The following TNR variants were observed in gnomAD, a reference collection of about 807,000 sequenced individuals.
The protein encoded by TNR is tenascin-R.
TNR carries 45 observed loss-of-function variants against 150.4 expected under a neutral mutation model. The ratio of observed to expected loss-of-function variants is 0.30; its 90% confidence interval spans 0.24 to 0.38. The LOEUF (loss-of-function observed/expected upper bound fraction) is 0.38, where lower values mean the gene tolerates loss of function less well. Ranked by LOEUF, TNR falls within the 10% of genes least tolerant of loss-of-function variation. TNR has a pLI of 1.00. For missense variants in TNR, 1,544 were observed against 1,759.1 expected (o/e 0.88, Z 2.19); for synonymous variants, 687 against 678.4 (o/e 1.01, Z -0.20).
At chr1:175,487,495 C>T (rs1658064359) in intron 2 of TNR, among the ~76,000 whole-genome samples, 1 of 152,194 alleles carries the variant, frequency 6.6e-6, no homozygotes, top group African/African-American at 2.4e-5. Flanking sequence ...ACTGCTTTCT[C>T]CCTTTTCTTC....
chr1:175,737,363 G>A (rs1229716876), intron 1 of TNR, among the ~76,000 whole-genome samples: 1 of 152,172 alleles, frequency 6.6e-6, no homozygotes, highest in Non-Finnish European at 1.5e-5. Context: ...TTCATTAATA[G>A]TCATGACAGA....
rs1224317440 is a variant in TNR, at chr1:175,458,436, CAT to C, written c.-63-51661_-63-51660del. Among the ~76,000 whole-genome samples the C allele has an allele frequency of 3.9e-5, 6 of 152,310 alleles. No individual in the cohort carries two copies. The East Asian group carries it at 1.2e-3, about 29-fold the overall frequency. ...TTACAATCTGGTTGGGGAGGTCAAA[CAT>C]ATACACAAGCTAAAATAAATAATAA... On this transcript the variant is annotated intron_variant, in intron 2 of 22. Coordinates refer to ENST00000367674, the MANE Select transcript of TNR (RefSeq NM_003285.3).
chr1:175,479,376 G>A (rs895159727), intron 2 of TNR, among the ~76,000 whole-genome samples: 1 of 152,146 alleles, frequency 6.6e-6, no homozygotes, highest in Non-Finnish European at 1.5e-5. Context: ...CCAACAATGC[G>A]GTATTCCCAG....
At chr1:175,695,966 ATG>A (rs1666502644) in intron 1 of TNR, among the ~76,000 whole-genome samples, 2 of 150,628 alleles carry the variant, frequency 1.3e-5, no homozygotes, top group Admixed American at 6.6e-5. Flanking sequence ...GGATGCATGG[ATG>A]CATGGACAGA....
At chr1:175,673,154 C>T (rs1665753799) in intron 1 of TNR, among the ~76,000 whole-genome samples, 1 of 152,210 alleles carries the variant, frequency 6.6e-6, no homozygotes, top group African/African-American at 2.4e-5. Flanking sequence ...CTTGTCCCCT[C>T]AACCTGAATG....
intron 2 of TNR, among the ~76,000 whole-genome samples, chr1:175,515,990 G>C (rs1221556513): frequency 1.3e-5 from 2 of 152,196 alleles, no homozygotes; most frequent in Non-Finnish European, 2.9e-5. Context: ...AGCTCCAAAA[G>C]AATTTGTGGA....
intron 1 of TNR, among the ~76,000 whole-genome samples, chr1:175,580,885 T>C (rs1005152755): frequency 5.9e-5 from 9 of 152,062 alleles, no homozygotes; most frequent in Admixed American, 3.3e-4. Context: ...AGTGGGGAGA[T>C]CCTGTATATT....
intron 1 of TNR, chr1:175,656,530 C>T (rs1665184091): frequency 6.6e-6 from 1 of 152,440 alleles, no homozygotes; most frequent in African/African-American, 2.4e-5. Flanking sequence ...GCTGAGGTGC[C>T]CTGTGCAAGA....
intron 5 of TNR, among the ~76,000 whole-genome samples, chr1:175,396,137 T>C (rs1295264863): frequency 6.6e-6 from 1 of 152,246 alleles, no homozygotes; most frequent in Non-Finnish European, 1.5e-5. Flanking sequence ...GCTATACACT[T>C]ATGGTCGAGA....
chr1:175,595,622 C>T (rs1358612622), intron 1 of TNR, among the ~76,000 whole-genome samples: 1 of 152,162 alleles, frequency 6.6e-6, no homozygotes, highest in Non-Finnish European at 1.5e-5. Flanking sequence ...TGGTCTGTCC[C>T]ATCTTTTCTG....
chr1:175,316,894 A>T lies in TNR; in HGVS notation c.*6463T>A, dbSNP rs1249553208. On this transcript the variant is annotated 3_prime_UTR_variant, in exon 23 of 23. Transcript: ENST00000367674. ...ATTTCCTTTTCTTAAAAGTCAGAAG[A>T]AGTGGCATCAAAGCCCCCTTGTAAG... The T allele has an allele frequency of 6.6e-6, 1 of 152,274 alleles. No individual in the cohort carries two copies. The highest frequency in any genetic ancestry group is 6.5e-5 in the Admixed American group (1 of 15,292). The allele number at this position is 152,274 out of a possible 1,614,324, so 9.4% of individuals were successfully genotyped here.
intron 2 of TNR, among the ~76,000 whole-genome samples, chr1:175,502,801 T>C (rs1658792811): frequency 6.6e-6 from 1 of 152,156 alleles, no homozygotes; most frequent in Non-Finnish European, 1.5e-5. Context: ...GAAGATGGTA[T>C]ATAAATTAAC....
chr1:175,718,024 C>T (rs915866616), intron 1 of TNR, among the ~76,000 whole-genome samples: 3 of 152,198 alleles, frequency 2.0e-5, no homozygotes, highest in South Asian at 2.1e-4. Flanking sequence ...TTTCTGTTCA[C>T]GTAAGTACCA....
chr1:175,345,214 T>G (rs1650723990), intron 18 of TNR, among the ~76,000 whole-genome samples: 1 of 152,122 alleles, frequency 6.6e-6, no homozygotes, highest in African/African-American at 2.4e-5. Flanking sequence ...AAAAAGTCTG[T>G]TTTGCTTGTC....
intron 2 of TNR, among the ~76,000 whole-genome samples, chr1:175,425,138 A>G (rs1026640807): frequency 2.0e-5 from 3 of 152,192 alleles, no homozygotes; most frequent in Non-Finnish European, 2.9e-5. Context: ...CTTGAAGTAG[A>G]AGACAAGACT....
intron 2 of TNR, among the ~76,000 whole-genome samples, chr1:175,416,971 G>C (rs1328908038): frequency 1.4e-5 from 2 of 144,258 alleles, no homozygotes; most frequent in Non-Finnish European, 1.5e-5. Context: ...TTGCGCCACT[G>C]CACTCCAGCC....
At chr1:175,473,421 G>T (rs1396877423) in intron 2 of TNR, among the ~76,000 whole-genome samples, 2 of 152,172 alleles carry the variant, frequency 1.3e-5, no homozygotes, top group Non-Finnish European at 2.9e-5. Flanking sequence ...AAACACCAGG[G>T]GAGAGATGTT....
chr1:175,436,431 G>T (rs922717682), intron 2 of TNR, among the ~76,000 whole-genome samples: 5 of 151,838 alleles, frequency 3.3e-5, no homozygotes, highest in Non-Finnish European at 5.9e-5. Context: ...TAATCGAATC[G>T]GCTACTGAGG....
chr1:175,493,409 C>A (rs1215279704), intron 2 of TNR, among the ~76,000 whole-genome samples: 2 of 152,290 alleles, frequency 1.3e-5, no homozygotes, highest in Non-Finnish European at 1.5e-5. Context: ...CATGCAGATG[C>A]CCAGCAGAAG....
Sources: gnomAD v4.1 joint callset for allele counts (sites outside exome capture counted in the v4.1 genomes callset) on GRCh38, gnomAD v4.1.1 for gene constraint, MANE v1.5 for transcripts, NCBI Gene and HGNC (gene_info 2026-07-23, HGNC 2026-07-21) for gene names.